Variants in BLTP3B observed in about 807,000 individuals in gnomAD.
BLTP3B encodes UHRF1 (ICBP90) binding protein 1-like.
the BLTP3B span, among the ~76,000 whole-genome samples, chr12:100,121,446 G>A: frequency 1.1e-4 from 17 of 151,856 alleles, no homozygotes; most frequent in African/African-American, 3.9e-4. Context: ...GAAGGAGAGA[G>A]AGGATTACAA....
the BLTP3B span, chr12:100,048,221 T>C: frequency 1.0e-4 from 158 of 1,555,588 alleles, no homozygotes; most frequent in Admixed American, 1.9e-4. Context: ...CATACAAAAA[T>C]GTTTGTAGCA....
the BLTP3B span, among the ~76,000 whole-genome samples, chr12:100,133,772 T>C: frequency 7.9e-5 from 12 of 152,220 alleles, 1 homozygote; most frequent in Admixed American, 2.6e-4. Flanking sequence ...TGGAAATTAA[T>C]ATGAAAGAGA....
the BLTP3B span, among the ~76,000 whole-genome samples, chr12:100,057,003 C>T: frequency 6.6e-6 from 1 of 152,128 alleles, no homozygotes; most frequent in East Asian, 1.9e-4. Flanking sequence ...TCATTTCTAG[C>T]AGTCTTTACT....
At chr12:100,083,857 T>C in the BLTP3B span, among the ~76,000 whole-genome samples, 2 of 152,334 alleles carry the variant, frequency 1.3e-5, no homozygotes, top group South Asian at 4.1e-4. Flanking sequence ...TATGTTGGTC[T>C]GAGCAAAGGA....
chr12:100,051,034 T>G, the BLTP3B span: 1 of 1,600,312 alleles, frequency 6.2e-7, no homozygotes, highest in Non-Finnish European at 8.5e-7. Flanking sequence ...TGAAATAAAG[T>G]TGGTGGCATT....
chr12:100,060,837 G>A, the BLTP3B span, among the ~76,000 whole-genome samples: 1 of 152,142 alleles, frequency 6.6e-6, no homozygotes, highest in Non-Finnish European at 1.5e-5. Flanking sequence ...CTAAAGTTAT[G>A]CATATCTAGA....
At chr12:100,120,316 T>C in the BLTP3B span, among the ~76,000 whole-genome samples, 1 of 152,052 alleles carries the variant, frequency 6.6e-6, no homozygotes, top group East Asian at 1.9e-4. Flanking sequence ...GAGGTTTCAG[T>C]GAGCCAAGAT....
chr12:100,121,569 G>T, the BLTP3B span, among the ~76,000 whole-genome samples: 8 of 152,128 alleles, frequency 5.3e-5, no homozygotes, highest in South Asian at 1.7e-3. Flanking sequence ...GGTGGCTCAA[G>T]CTTGTAATCC....
chr12:100,125,472 G>A, the BLTP3B span, among the ~76,000 whole-genome samples: 1 of 152,018 alleles, frequency 6.6e-6, no homozygotes, highest in African/African-American at 2.4e-5. Context: ...GAAACATAGG[G>A]AGACCCCATC....
chr12:100,119,124 AT>A, the BLTP3B span, among the ~76,000 whole-genome samples: 5 of 152,098 alleles, frequency 3.3e-5, no homozygotes, highest in Non-Finnish European at 7.4e-5. Context: ...AAATAAAAAA[AT>A]AAATAAATAA....
the BLTP3B span, among the ~76,000 whole-genome samples, chr12:100,115,267 G>A: frequency 1.3e-5 from 2 of 152,096 alleles, no homozygotes; most frequent in African/African-American, 4.8e-5. Flanking sequence ...TTAGCCAGAT[G>A]TGGTGGCAGG....
the BLTP3B span, chr12:100,083,246 A>G: frequency 1.4e-6 from 1 of 693,380 alleles, no homozygotes; most frequent in African/African-American, 1.8e-5. Flanking sequence ...TTCTCAAACA[A>G]GATAATATTT....
At chr12:100,107,545 G>T in the BLTP3B span, among the ~76,000 whole-genome samples, 7 of 151,478 alleles carry the variant, frequency 4.6e-5, no homozygotes, top group Admixed American at 1.3e-4. Flanking sequence ...TGAGGCAGGG[G>T]AATCGCTTGA....
At chr12:100,070,031 T>C in the BLTP3B span, 6 of 1,361,888 alleles carry the variant, frequency 4.4e-6, no homozygotes, top group Non-Finnish European at 5.7e-6. Context: ...AGCAGTGTAA[T>C]ACAGTGGAGA....
At chr12:100,075,930 A>G in the BLTP3B span, among the ~76,000 whole-genome samples, 2 of 152,114 alleles carry the variant, frequency 1.3e-5, no homozygotes, top group African/African-American at 4.8e-5. Flanking sequence ...AAAAAAGGGA[A>G]CAACAGACAC....
the BLTP3B span, among the ~76,000 whole-genome samples, chr12:100,134,737 A>G: frequency 9.5e-4 from 144 of 152,304 alleles, 1 homozygote; most frequent in Non-Finnish European, 1.4e-3. Flanking sequence ...GTTAATAGCA[A>G]TTCCACCTTT....
chr12:100,092,644 T>C, the BLTP3B span: 1 of 152,824 alleles, frequency 6.5e-6, no homozygotes, highest in Admixed American at 6.5e-5. Flanking sequence ...CTAATATATA[T>C]GTATCTAGTT....
chr12:100,084,458 C>G, the BLTP3B span: 1 of 1,598,790 alleles, frequency 6.3e-7, no homozygotes, highest in East Asian at 2.3e-5. Flanking sequence ...TAGGGGAATG[C>G]TATTATAGGT....
chr12:100,117,711 G>A, the BLTP3B span, among the ~76,000 whole-genome samples: 17 of 151,848 alleles, frequency 1.1e-4, no homozygotes, highest in African/African-American at 3.9e-4. Flanking sequence ...GTGTTGCCCA[G>A]GCTGGTCTCA....
Sources: allele counts gnomAD v4.1 joint callset (sites outside exome capture counted in the v4.1 genomes callset), GRCh38; gene constraint gnomAD v4.1.1; transcripts MANE v1.5; gene names NCBI Gene and HGNC (gene_info 2026-07-23, HGNC 2026-07-21).